Variants in ASXL3 observed in about 807,000 individuals in gnomAD.
ASXL3 encodes putative Polycomb group protein ASXL3.
ASXL3 carries 34 observed loss-of-function variants against 170.6 expected under a neutral mutation model. That is an observed-to-expected ratio of 0.20 (90% CI 0.15 to 0.27). ASXL3 has a LOEUF of 0.27. Ranked by LOEUF, ASXL3 falls within the 10% of genes least tolerant of loss-of-function variation. The pLI is 1.00. For missense variants in ASXL3, 2,592 were observed against 2,695.3 expected (o/e 0.96, Z 0.85); for synonymous variants, 1,002 against 989.1 (o/e 1.01, Z -0.24).
chr18:33,617,434 T>A (rs1162718226), intron 2 of ASXL3, among the ~76,000 whole-genome samples: 2 of 152,170 alleles, frequency 1.3e-5, no homozygotes, highest in East Asian at 3.9e-4. Context: ...GAGGTTGCAT[T>A]GAGCTGAGAT....
rs2066121480 is a variant in ASXL3, at chr18:33,658,676, A to G, written c.356-2940A>G. On this transcript the variant is annotated intron_variant, in intron 4 of 11. Transcript: ENST00000269197. ...TTTAAAGTTCTATAGTTATTGTGTC[A>G]GTAAATAATTAGGGAAATATGGTTT... 2.6e-5 allele frequency among the ~76,000 whole-genome samples: 4 copies of G among 152,060 alleles called. No individual in the cohort carries two copies. In the South Asian group the frequency reaches 8.3e-4, roughly 32 times the overall value.
intron 8 of ASXL3, among the ~76,000 whole-genome samples, chr18:33,692,291 T>G (rs1454053854): frequency 6.6e-6 from 1 of 152,168 alleles, no homozygotes; most frequent in African/African-American, 2.4e-5. Context: ...TTATGTTTTT[T>G]TAAAAAAGAG....
chr18:33,666,703 G>C (rs2066261218), intron 5 of ASXL3, among the ~76,000 whole-genome samples: 1 of 152,138 alleles, frequency 6.6e-6, no homozygotes, highest in African/African-American at 2.4e-5. Context: ...CAGTAACCCT[G>C]TTTGGAAGAG....
chr18:33,638,036 A>T (rs1405211021), intron 2 of ASXL3, among the ~76,000 whole-genome samples: 1 of 151,962 alleles, frequency 6.6e-6, no homozygotes. Flanking sequence ...CAGTGAAAGA[A>T]TTGTGTTTTT....
intron 1 of ASXL3, among the ~76,000 whole-genome samples, chr18:33,603,066 A>G (rs1170494473): frequency 6.6e-6 from 1 of 152,126 alleles, no homozygotes; most frequent in Non-Finnish European, 1.5e-5. Context: ...GTAGACATCT[A>G]TCATTGAAAT....
chr18:33,595,228 A>G (rs929077824), intron 1 of ASXL3, among the ~76,000 whole-genome samples: 4 of 152,146 alleles, frequency 2.6e-5, no homozygotes, highest in South Asian at 4.1e-4. Context: ...CCATTGTTGT[A>G]AAATGTTTAT....
At chr18:33,596,986 T>A (rs2065133397) in intron 1 of ASXL3, among the ~76,000 whole-genome samples, 1 of 152,056 alleles carries the variant, frequency 6.6e-6, no homozygotes, top group African/African-American at 2.4e-5. Flanking sequence ...CTAATTTTTT[T>A]ATCTTTTTGT....
chr18:33,611,019 T>A (rs529400500), intron 2 of ASXL3, among the ~76,000 whole-genome samples: 1 of 152,100 alleles, frequency 6.6e-6, no homozygotes, highest in South Asian at 2.1e-4. Flanking sequence ...CTAATGAGGA[T>A]ATTTGAATGT....
In ASXL3 at chr18:33,750,441, A is replaced by G. The variant is rs1240316490; in HGVS notation, c.*3846A>G. ...TACTGTTCTTGAATGTTTCAAAGAA[A>G]GTGCTTTACTTGGTTGCCATAATTT... On this transcript the variant is annotated 3_prime_UTR_variant, in exon 12 of 12. Coordinates refer to ENST00000269197, the MANE Select transcript of ASXL3 (RefSeq NM_030632.3). 6.6e-6 allele frequency: 1 copy of G among 152,134 alleles called. No homozygotes were observed. Among genetic ancestry groups the G allele is most frequent in the Non-Finnish European group, 1.5e-5 (1 of 68,038 alleles). The allele number at this position is 152,134 out of a possible 1,614,324, so 9.4% of individuals were successfully genotyped here. A position where few individuals can be genotyped will look rare whatever the true frequency, so the allele number is the denominator to read the frequency against.
intron 8 of ASXL3, among the ~76,000 whole-genome samples, chr18:33,696,214 TA>T (rs144373301): frequency 0.019 from 2,921 of 152,106 alleles, 98 homozygotes; most frequent in African/African-American, 0.066. Context: ...TATACCCTAT[TA>T]AAAAAATATA....
chr18:33,605,340 C>T (rs1007556344), intron 1 of ASXL3: 2 of 151,950 alleles, frequency 1.3e-5, no homozygotes, highest in Non-Finnish European at 2.9e-5. Context: ...GATAATTTCT[C>T]CTTATCTTTT....
chr18:33,623,662 C>A (rs906418409), intron 2 of ASXL3, among the ~76,000 whole-genome samples: 1 of 152,058 alleles, frequency 6.6e-6, no homozygotes, highest in African/African-American at 2.4e-5. Context: ...TATTTTACAG[C>A]AGTATTTTGG....
chr18:33,713,087 A>G (rs1248641376), intron 8 of ASXL3, among the ~76,000 whole-genome samples: 2 of 152,004 alleles, frequency 1.3e-5, no homozygotes, highest in African/African-American at 2.4e-5. Context: ...CACAGCCACC[A>G]GTAACCTCAA....
In ASXL3 at chr18:33,745,477, G is replaced by A; in HGVS notation, c.5629G>A (p.Glu1877Lys). Residue 1877 changes from glutamate (E) to lysine (K), a missense_variant, in exon 12 of 12, where the codon GAA becomes AAA. Coordinates refer to ENST00000269197, the MANE Select transcript of ASXL3 (RefSeq NM_030632.3). ...QLGHSQPFKQEWLNKHSMQNR... is the reference protein window; with the variant it reads ...QLGHSQPFKQKWLNKHSMQNR... Reference sequence around the variant, plus strand: ...AGGACACAGCCAGCCATTTAAGCAAGAATGGCTAAACAAGCACTCCATGCA... The same window carrying A: ...AGGACACAGCCAGCCATTTAAGCAAAAATGGCTAAACAAGCACTCCATGCA... 6.2e-7 allele frequency: 1 copy of A among 1,614,032 alleles called. No individual in the cohort carries two copies.
At chr18:33,655,432 G>C (rs1032570977) in intron 4 of ASXL3, among the ~76,000 whole-genome samples, 4 of 151,842 alleles carry the variant, frequency 2.6e-5, no homozygotes, top group Non-Finnish European at 5.9e-5. Context: ...AGGGTCTTAG[G>C]AAAAAATTGC....
rs1202257681 is a variant in ASXL3, at chr18:33,749,558, G to A, written c.*2963G>A. 6.6e-6 allele frequency: 1 copy of A among 151,976 alleles called. No individual in the cohort carries two copies. The highest frequency in any genetic ancestry group is 1.5e-5 in the Non-Finnish European group (1 of 68,014). 9.4% of individuals were successfully genotyped at this position (151,976 alleles called of 1,614,324 possible). ...TATAAGATATGCATATGCCTGAGGT[G>A]TATAAAGACATTTAGGTTAGTTAAT... On this transcript the variant is annotated 3_prime_UTR_variant, in exon 12 of 12. Transcript: ENST00000269197.
At position 33,738,953 on chromosome 18, in the gene ASXL3, G is replaced by T; in HGVS notation, c.1549G>T (p.Val517Phe). 1 of 1,613,704 alleles carries T rather than the reference G, an allele frequency of 6.2e-7. No individual in the cohort carries two copies. The highest frequency in any genetic ancestry group is 8.5e-7 in the Non-Finnish European group (1 of 1,179,778). ...TTTAGAAACTTTGCCTCATATTGAA[G>T]TTAAGATAGAAGGGAAGTCAGAATC... ...DVLETLPHIEVKIEGKSESPQ... is the reference protein window; with the variant it reads ...DVLETLPHIEFKIEGKSESPQ... The change falls in exon 11 of 12, where the codon GTT becomes TTT. Residue 517 changes from valine (V) to phenylalanine (F), a missense_variant. Transcript: ENST00000269197.
At position 33,744,232 on chromosome 18, in the gene ASXL3, C is replaced by G. The variant is rs750373320; in HGVS notation, c.4384C>G (p.Pro1462Ala). ...KPQQPPGGFA[P>A]AAINRSIPCK... is the part of the protein sequence containing the mutation. ...TCAGCAACCACCAGGGGGCTTTGCA[C>G]CAGCAGCCATAAACCGATCAATTCC... Residue 1462 changes from proline to alanine, a missense_variant, in exon 12 of 12, where the codon CCA becomes GCA. This residue lies in a region of ASXL3 where 2,246 missense variants were observed against 2,219.6 expected (regional missense o/e 1.01). Coordinates refer to ENST00000269197, the MANE Select transcript of ASXL3 (RefSeq NM_030632.3). 6.2e-7 allele frequency: 1 copy of G among 1,613,950 alleles called. No individual in the cohort carries two copies. The highest frequency in any genetic ancestry group is 8.5e-7 in the Non-Finnish European group (1 of 1,179,900).
At chr18:33,614,607 A>G (rs551590397) in intron 2 of ASXL3, 2 of 152,200 alleles carry the variant, frequency 1.3e-5, no homozygotes, top group Non-Finnish European at 1.5e-5. Flanking sequence ...CCTCAGATCC[A>G]TAAGAGGAAT....
Sources: gnomAD v4.1 joint callset for allele counts (sites outside exome capture counted in the v4.1 genomes callset) on GRCh38, gnomAD v4.1.1 for gene constraint, gnomAD v4.1.1 regional missense constraint, MANE v1.5 for transcripts, NCBI Gene and HGNC (gene_info 2026-07-23, HGNC 2026-07-21) for gene names.